QKI: variants seen among roughly 807,000 people sequenced by gnomAD.
The protein encoded by QKI is QKI, KH domain containing RNA binding, also known as KH domain-containing RNA-binding protein QKI.
A neutral mutation model predicts 39.0 loss-of-function variants in QKI; 10 were observed. The ratio of observed to expected loss-of-function variants is 0.26; its 90% confidence interval spans 0.16 to 0.43. The LOEUF (loss-of-function observed/expected upper bound fraction) is 0.43, where lower values mean the gene tolerates loss of function less well. Ranked by LOEUF, QKI falls within the 20% of genes least tolerant of loss-of-function variation. The probability of loss-of-function intolerance (pLI) is 1.00; values close to 1 mark genes in which losing one functional copy is unlikely to be tolerated. For missense variants in QKI, 218 were observed against 428.0 expected, an observed-to-expected ratio of 0.51 and a Z score of 4.33; for synonymous variants, 204 against 155.4, an observed-to-expected ratio of 1.31 and a Z score of -2.33.
intron 7 of QKI, 54 bp from the exon 8 acceptor site, chr6:163,570,637 TCTC>T: frequency 6.2e-7 from 1 of 1,603,552 alleles, no homozygotes; most frequent in Non-Finnish European, 8.5e-7. Context: ...ACTAATCTCT[TCTC>T]TATCTTTTCT....
At chr6:163,483,433 C>A (rs1488001748) in intron 3 of QKI, among the ~76,000 whole-genome samples, 1 of 152,138 alleles carries the variant, frequency 6.6e-6, no homozygotes, top group Non-Finnish European at 1.5e-5. Flanking sequence ...TTTTTGATAG[C>A]ATTTTACCCA....
In QKI at chr6:163,498,564, C is replaced by G. The variant is rs1778552998; in HGVS notation, c.402+19668C>G. ...CCCTCATCCCCCTTCACTTTCAGGC[C>G]CCTCCCTTCTTCCTTTTGTTCTTAT... On this transcript the variant is annotated intron_variant, in intron 3 of 7. Coordinates refer to ENST00000361752, the MANE Select transcript of QKI (RefSeq NM_006775.3). Among the ~76,000 whole-genome samples the G allele has an allele frequency of 2.0e-5, 3 of 151,694 alleles. No individual in the cohort carries two copies. In the South Asian group the frequency reaches 6.3e-4, roughly 32 times the overall value.
In QKI at chr6:163,571,642, T is replaced by C. The variant is rs906994462; in HGVS notation, c.*932T>C. 6.6e-6 allele frequency: 1 copy of C among 152,014 alleles called. No homozygotes were observed. The highest frequency in any genetic ancestry group is 1.5e-5 in the Non-Finnish European group (1 of 67,976). 9.4% of individuals were successfully genotyped at this position (152,014 alleles called of 1,614,324 possible). A position where few individuals can be genotyped will look rare whatever the true frequency, so the allele number is the denominator to read the frequency against. ...ACAAATGAACAAAAAGTAGATACTT[T>C]TACTATACAAGGGTGCTGGTGCAGA... On this transcript the variant is annotated 3_prime_UTR_variant, in exon 8 of 8. Coordinates refer to ENST00000361752, the MANE Select transcript of QKI (RefSeq NM_006775.3).
chr6:163,536,559 T>C (rs565986396), intron 4 of QKI, among the ~76,000 whole-genome samples: 2 of 152,208 alleles, frequency 1.3e-5, no homozygotes, highest in African/African-American at 4.8e-5. Flanking sequence ...CCTTGTTGTT[T>C]GAGGATCAAC....
chr6:163,488,216 A>G (rs1219221132), intron 3 of QKI, among the ~76,000 whole-genome samples: 1 of 152,200 alleles, frequency 6.6e-6, no homozygotes. Context: ...AGATGGGAAT[A>G]GTAACTTTGC....
intron 6 of QKI, chr6:163,564,717 G>T: frequency 6.2e-7 from 1 of 1,614,024 alleles, no homozygotes; most frequent in Admixed American, 1.7e-5. Flanking sequence ...TTGACTTGCT[G>T]GATGAAGGAC....
Position 163,572,670 on chromosome 6 carries a change from A to AGGGGGGGCCCCCCCCCCC in QKI, c.*1960_*1961insGGGGGGGCCCCCCCCCCC. The AGGGGGGGCCCCCCCCCCC allele has an allele frequency of 5.1e-5, 1 of 19,654 alleles. No individual in the cohort carries two copies. Among genetic ancestry groups the AGGGGGGGCCCCCCCCCCC allele is most frequent in the Non-Finnish European group, 8.4e-5 (1 of 11,852 alleles). 1.2% of individuals were successfully genotyped at this position (19,654 alleles called of 1,614,324 possible). A position where few individuals can be genotyped will look rare whatever the true frequency, so the allele number is the denominator to read the frequency against. ...CGTGGCAAATCTCAAGTGACAGTGGACCCCCCCCCCCGCCCAGCTTATCAA... is the reference window on the plus strand; with the variant it reads ...CGTGGCAAATCTCAAGTGACAGTGGAGGGGGGGCCCCCCCCCCCCCCCCCCCCCCGCCCAGCTTATCAA... On this transcript the variant is annotated 3_prime_UTR_variant, in exon 8 of 8. Coordinates refer to ENST00000361752, the MANE Select transcript of QKI (RefSeq NM_006775.3).
chr6:163,464,932 C>T (rs13216318), intron 2 of QKI, among the ~76,000 whole-genome samples: 294 of 152,244 alleles, frequency 1.9e-3, no homozygotes, highest in Non-Finnish European at 3.0e-3. Context: ...CAAAAATCCT[C>T]AACAAAATAC....
chr6:163,564,448 G>C (rs1783228432), intron 6 of QKI: 3 of 1,405,692 alleles, frequency 2.1e-6, no homozygotes, highest in Non-Finnish European at 2.8e-6. Context: ...GTATTCTTAA[G>C]ATTTTTCAGT....
At chr6:163,556,244 G>A (rs1015472022) in intron 4 of QKI, among the ~76,000 whole-genome samples, 7 of 152,164 alleles carry the variant, frequency 4.6e-5, no homozygotes, top group African/African-American at 1.7e-4. Flanking sequence ...TGGGCACAGT[G>A]GCTCACGCCT....
At chr6:163,569,227 G>A in intron 7 of QKI, 2 of 963,792 alleles carry the variant, frequency 2.1e-6, no homozygotes, top group Non-Finnish European at 2.5e-6. Context: ...GGGAAGATTT[G>A]GTCACATTGA....
chr6:163,535,201 T>C (rs190847222), intron 4 of QKI, 76 bp downstream of exon 4: 144 of 1,395,372 alleles, frequency 1.0e-4, no homozygotes, highest in Non-Finnish European at 3.9e-5. Flanking sequence ...TCGTAATGTT[T>C]ATAAGGAATA....
chr6:163,540,974 A>T, intron 4 of QKI, among the ~76,000 whole-genome samples: 1 of 151,058 alleles, frequency 6.6e-6, no homozygotes, highest in South Asian at 2.1e-4. Flanking sequence ...ATTTTTCTCA[A>T]TTTTTTTTCT....
intron 3 of QKI, among the ~76,000 whole-genome samples, chr6:163,518,297 C>T (rs1280107008): frequency 6.6e-6 from 1 of 152,006 alleles, no homozygotes; most frequent in African/African-American, 2.4e-5. Flanking sequence ...GTAGGCTGTG[C>T]GCTAAGTGTT....
In QKI at chr6:163,458,979, A is replaced by G. The variant is rs529777611; in HGVS notation, c.285+3558A>G. Among the ~76,000 whole-genome samples, 4 of 152,326 alleles carry G rather than the reference A, an allele frequency of 2.6e-5. No individual in the cohort carries two copies. The South Asian group carries it at 6.2e-4, about 24-fold the overall frequency. ...GCTGTATTTGTCAACAGTTGCCACA[A>G]TAATGCTCCATGATAAAACACTCTA... On this transcript the variant is annotated intron_variant, in intron 2 of 7. Transcript: ENST00000361752.
intron 4 of QKI, among the ~76,000 whole-genome samples, chr6:163,539,041 C>G (rs1475306888): frequency 1.3e-5 from 2 of 152,096 alleles, no homozygotes; most frequent in African/African-American, 4.8e-5. Context: ...GTCATTAGAT[C>G]AAAAGCTTTT....
At chr6:163,446,407 A>G (rs1360730376) in intron 1 of QKI, among the ~76,000 whole-genome samples, 1 of 152,198 alleles carries the variant, frequency 6.6e-6, no homozygotes, top group Non-Finnish European at 1.5e-5. Flanking sequence ...GGATTGGGAA[A>G]AGAGTTGTTA....
chr6:163,522,784 T>TC (rs770198894), intron 3 of QKI, among the ~76,000 whole-genome samples: 2 of 152,242 alleles, frequency 1.3e-5, no homozygotes, highest in South Asian at 4.1e-4. Flanking sequence ...TAAACTAGGG[T>TC]CATTATTCTA....
intron 7 of QKI, chr6:163,570,285 T>TG: frequency 1.0e-6 from 1 of 984,292 alleles, no homozygotes; most frequent in Non-Finnish European, 1.2e-6. Context: ...TCTTAGAGAA[T>TG]ACTAATGCTT....
Sources: gnomAD v4.1 joint callset for allele counts (sites outside exome capture counted in the v4.1 genomes callset) on GRCh38, gnomAD v4.1.1 for gene constraint, MANE v1.5 for transcripts, NCBI Gene and HGNC (gene_info 2026-07-23, HGNC 2026-07-21) for gene names.